The following TGFBR3 variants were observed in gnomAD, a reference collection of about 807,000 sequenced individuals.
TGFBR3 encodes the protein transforming growth factor beta receptor type 3.
TGFBR3 carries 46 observed loss-of-function variants against 87.9 expected under a neutral mutation model. That is an observed-to-expected ratio of 0.52 (90% CI 0.41 to 0.67). The LOEUF (loss-of-function observed/expected upper bound fraction) is 0.67, where lower values mean the gene tolerates loss of function less well. Ranked by LOEUF, TGFBR3 falls within the 30% of genes least tolerant of loss-of-function variation. The pLI, the probability that TGFBR3 is intolerant of heterozygous loss-of-function variation, is 0.00. For synonymous variants in TGFBR3, 381 were observed against 391.6 expected (o/e 0.97, Z 0.32); for missense variants, 866 against 1,041.9 (o/e 0.83, Z 2.32).
intron 16 of TGFBR3, among the ~76,000 whole-genome samples, chr1:91,694,671 A>G (rs962272243): frequency 3.9e-5 from 6 of 152,216 alleles, no homozygotes; most frequent in Admixed American, 1.3e-4. Flanking sequence ...CCCAAGGGGA[A>G]GCCAAAGATC....
At chr1:91,856,382 T>G (rs77232567) in intron 2 of TGFBR3, among the ~76,000 whole-genome samples, 1 of 152,008 alleles carries the variant, frequency 6.6e-6, no homozygotes, top group Non-Finnish European at 1.5e-5. Context: ...ATGAGTTTTG[T>G]CAGAACAACA....
rs58672104 is a variant in TGFBR3 at position 91,903,338 on chromosome 1, CAAAAAAAAAAA to C, written c.-175+2477_-175+2487del. Among the ~76,000 whole-genome samples, 19 of 50,508 alleles carry C rather than the reference CAAAAAAAAAAA, an allele frequency of 3.8e-4. 1 individual carries two copies. Among genetic ancestry groups the C allele is most frequent in the Admixed American group, 1.8e-3 (5 of 2,768 alleles). The allele number at this position is 50,508 out of a possible 152,430, so 33.1% of individuals were successfully genotyped here. ...TGGGAGACAGAGTGAGATTCTGCCT[CAAAAAAAAAAA>C]AAAAAAAAAAAAAAAAATTGCCAGT... On this transcript the variant is annotated intron_variant, in intron 1 of 17. Transcript: ENST00000370399.
chr1:91,753,232 C>CA (rs1400104879), intron 4 of TGFBR3, among the ~76,000 whole-genome samples: 1 of 146,128 alleles, frequency 6.8e-6, no homozygotes, highest in Admixed American at 6.8e-5. Context: ...CAAAAAATAC[C>CA]AAAAAAAATC....
intron 1 of TGFBR3, among the ~76,000 whole-genome samples, chr1:91,872,979 G>A (rs553136653): frequency 4.0e-5 from 6 of 151,806 alleles, no homozygotes; most frequent in African/African-American, 7.3e-5. Flanking sequence ...GTGGTGGGAG[G>A]GGGGGATAGG....
At chr1:91,900,872 C>G (rs17880999) in intron 1 of TGFBR3, among the ~76,000 whole-genome samples, 1 of 152,092 alleles carries the variant, frequency 6.6e-6, no homozygotes, top group Admixed American at 6.6e-5. Context: ...ATTCAAGAGA[C>G]ATGAAAAAAA....
intron 7 of TGFBR3, among the ~76,000 whole-genome samples, chr1:91,726,955 G>C (rs748190682): frequency 6.6e-6 from 1 of 152,186 alleles, no homozygotes; most frequent in African/African-American, 2.4e-5. Context: ...ACTTTACCAA[G>C]TTTCAACATT....
At chr1:91,811,638 G>A (rs960863852) in intron 2 of TGFBR3, among the ~76,000 whole-genome samples, 2 of 152,160 alleles carry the variant, frequency 1.3e-5, no homozygotes, top group Non-Finnish European at 2.9e-5. Flanking sequence ...AAGGCTAAGA[G>A]AGAAGGGTAT....
At chr1:91,800,255 TAC>T (rs67343577) in intron 2 of TGFBR3, among the ~76,000 whole-genome samples, 14,721 of 88,434 alleles carry the variant, frequency 0.17, 1,347 homozygotes, top group African/African-American at 0.25. Flanking sequence ...TATATATATA[TAC>T]ACACACACAC....
At chr1:91,802,205 T>C (rs1357897297) in intron 2 of TGFBR3, among the ~76,000 whole-genome samples, 1 of 152,092 alleles carries the variant, frequency 6.6e-6, no homozygotes, top group Non-Finnish European at 1.5e-5. Flanking sequence ...CACCAGCTGT[T>C]CCATCGCCGC....
At chr1:91,867,942 G>A (rs939107752) in intron 1 of TGFBR3, among the ~76,000 whole-genome samples, 1 of 152,058 alleles carries the variant, frequency 6.6e-6, no homozygotes. Context: ...TTTTTGAGAT[G>A]GAGTCTCACT....
At chr1:91,886,464 C>T (rs1344596796), upstream of TGFBR3, among the ~76,000 whole-genome samples, 2 of 152,204 alleles carry the variant, frequency 1.3e-5, no homozygotes, top group African/African-American at 4.8e-5. Flanking sequence ...TTGGGGCGGC[C>T]CCTGTCCTGG....
At chr1:91,809,517 T>C (rs1571532993) in intron 2 of TGFBR3, among the ~76,000 whole-genome samples, 1 of 152,142 alleles carries the variant, frequency 6.6e-6, no homozygotes, top group South Asian at 2.1e-4. Context: ...TAACCACTGG[T>C]CCTGATTGCA....
chr1:91,854,977 T>A (rs920007881), intron 2 of TGFBR3, among the ~76,000 whole-genome samples: 3 of 152,186 alleles, frequency 2.0e-5, no homozygotes, highest in African/African-American at 7.2e-5. Flanking sequence ...AGATTACAAA[T>A]ACAATATGGT....
At chr1:91,747,249 G>A (rs538054278) in intron 4 of TGFBR3, among the ~76,000 whole-genome samples, 101 of 152,336 alleles carry the variant, frequency 6.6e-4, no homozygotes, top group African/African-American at 2.4e-3. Context: ...CTGGCTCACA[G>A]GTCAGCAAAG....
intron 2 of TGFBR3, among the ~76,000 whole-genome samples, chr1:91,802,408 G>A (rs923868683): frequency 2.0e-5 from 3 of 150,434 alleles, no homozygotes; most frequent in South Asian, 4.2e-4. Flanking sequence ...TCGTCCAGGC[G>A]AGAGGGCAGT....
chr1:91,758,787 C>T, intron 3 of TGFBR3, 37 bp from the exon 4 acceptor site: 6 of 1,613,298 alleles, frequency 3.7e-6, no homozygotes, highest in Non-Finnish European at 5.1e-6. Flanking sequence ...AATCTTAGCC[C>T]TGGCTTTCCA....
chr1:91,741,317 T>C (rs942270913), intron 4 of TGFBR3, among the ~76,000 whole-genome samples: 3 of 152,056 alleles, frequency 2.0e-5, no homozygotes, highest in South Asian at 2.1e-4. Context: ...AGCAGCCAGA[T>C]GGAAGAGATG....
chr1:91,816,655 T>A (rs978081814), intron 2 of TGFBR3, among the ~76,000 whole-genome samples: 1 of 152,192 alleles, frequency 6.6e-6, no homozygotes, highest in African/African-American at 2.4e-5. Flanking sequence ...ACTGCGTGGT[T>A]CCCATATATT....
At chr1:91,876,629 G>C (rs1241179257) in intron 1 of TGFBR3, among the ~76,000 whole-genome samples, 1 of 152,100 alleles carries the variant, frequency 6.6e-6, no homozygotes, top group East Asian at 1.9e-4. Flanking sequence ...CATAACCTGG[G>C]ACCATTCAGG....
Sources: gnomAD v4.1 joint callset for allele counts (sites outside exome capture counted in the v4.1 genomes callset) on GRCh38, gnomAD v4.1.1 for gene constraint, MANE v1.5 for transcripts, NCBI Gene and HGNC (gene_info 2026-07-23, HGNC 2026-07-21) for gene names.